FGGY: variants seen among roughly 807,000 people sequenced by gnomAD.
The protein encoded by FGGY is FGGY carbohydrate kinase domain-containing protein.
A neutral mutation model predicts 71.3 loss-of-function variants in FGGY; 72 were observed. That is an observed-to-expected ratio of 1.01 (90% CI 0.84 to 1.23). The LOEUF is 1.23. Among genes scored for constraint, FGGY ranks in the 50% most tolerant of loss-of-function variants. The pLI, the probability that FGGY is intolerant of heterozygous loss-of-function variation, is 0.00. For missense variants in FGGY, 668 were observed against 682.3 expected (o/e 0.98, Z 0.23); for synonymous variants, 251 against 250.3 (o/e 1.00, Z -0.02).
chr1:59,498,837 C>G (rs993122053), intron 6 of FGGY, among the ~76,000 whole-genome samples: 11 of 152,168 alleles, frequency 7.2e-5, no homozygotes, highest in African/African-American at 2.7e-4. Context: ...GGATTTTACT[C>G]CATCATTTTG....
At chr1:59,477,722 T>TCAGAGGCTA (rs924135125) in intron 6 of FGGY, among the ~76,000 whole-genome samples, 2 of 152,156 alleles carry the variant, frequency 1.3e-5, no homozygotes, top group African/African-American at 4.8e-5. Context: ...TGCCCTTACT[T>TCAGAGGCTA]CAGAGGCTAC....
intron 7 of FGGY, among the ~76,000 whole-genome samples, chr1:59,542,231 T>C (rs2095450865): frequency 1.3e-5 from 2 of 152,186 alleles, no homozygotes; most frequent in Admixed American, 1.3e-4. Flanking sequence ...CGTTGGCTCC[T>C]CAGGAGATTA....
At chr1:59,474,593 A>G (rs915571806) in intron 6 of FGGY, among the ~76,000 whole-genome samples, 1 of 152,248 alleles carries the variant, frequency 6.6e-6, no homozygotes, top group African/African-American at 2.4e-5. Context: ...GCTAACCACT[A>G]GAAGAATGTC....
intron 5 of FGGY, among the ~76,000 whole-genome samples, chr1:59,413,657 A>T (rs559432739): frequency 6.6e-6 from 1 of 152,208 alleles, no homozygotes; most frequent in Non-Finnish European, 1.5e-5. Flanking sequence ...ACATAAAAAA[A>T]AACCCAGACT....
At chr1:59,306,344 T>C (rs1313130519) in intron 1 of FGGY, among the ~76,000 whole-genome samples, 1 of 152,126 alleles carries the variant, frequency 6.6e-6, no homozygotes, top group Non-Finnish European at 1.5e-5. Flanking sequence ...GAAGGAAGTA[T>C]ATCAGAGGGA....
intron 4 of FGGY, among the ~76,000 whole-genome samples, chr1:59,364,520 A>C (rs747447483): frequency 6.6e-5 from 10 of 152,266 alleles, no homozygotes; most frequent in Middle Eastern, 3.4e-3. Context: ...TCATTCATTC[A>C]TTTATTCATT....
chr1:59,611,492 A>C lies in FGGY; in HGVS notation c.1011+3582A>C, dbSNP rs566702894. Among the ~76,000 whole-genome samples the C allele has an allele frequency of 7.9e-3, 1,199 of 152,232 alleles. 19 individuals carry two copies. The highest frequency in any genetic ancestry group is 0.028 in the African/African-American group (1,145 of 41,532). ...AGAAAGGACATCCACACCAAAACCC[A>C]ATCTGTACGTCACCATCATCAAAGA... On this transcript the variant is annotated intron_variant, in intron 9 of 15. Transcript: ENST00000303721.
chr1:59,524,218 C>T (rs942444991), intron 7 of FGGY, among the ~76,000 whole-genome samples: 3 of 152,226 alleles, frequency 2.0e-5, no homozygotes, highest in Non-Finnish European at 4.4e-5. Context: ...GGTGCTGACA[C>T]GCTAGCCTCC....
At chr1:59,643,637 T>C (rs2097059592) in intron 11 of FGGY, among the ~76,000 whole-genome samples, 1 of 152,100 alleles carries the variant, frequency 6.6e-6, no homozygotes, top group African/African-American at 2.4e-5. Context: ...AATCAAAGAA[T>C]TAAAACCTAC....
chr1:59,529,124 A>C (rs1371451781), intron 7 of FGGY, among the ~76,000 whole-genome samples: 1 of 152,214 alleles, frequency 6.6e-6, no homozygotes, highest in East Asian at 1.9e-4. Flanking sequence ...GCGTGAATGA[A>C]TGGGTTTGCT....
intron 14 of FGGY, among the ~76,000 whole-genome samples, chr1:59,757,323 C>T (rs548893463): frequency 1.3e-5 from 2 of 152,212 alleles, no homozygotes; most frequent in Admixed American, 6.5e-5. Context: ...TGTAACATGT[C>T]ATCTGCCTGA....
intron 4 of FGGY, among the ~76,000 whole-genome samples, chr1:59,370,450 G>C (rs539278706): frequency 2.0e-5 from 3 of 152,192 alleles, no homozygotes; most frequent in African/African-American, 7.2e-5. Context: ...TGAAAGTGAC[G>C]GGGAGAATGG....
intron 4 of FGGY, among the ~76,000 whole-genome samples, chr1:59,357,969 C>G (rs2054656760): frequency 6.6e-6 from 1 of 151,962 alleles, no homozygotes; most frequent in East Asian, 1.9e-4. Context: ...TGGTATGATT[C>G]TGTGTCGATC....
intron 5 of FGGY, among the ~76,000 whole-genome samples, chr1:59,411,859 A>G (rs1316024181): frequency 6.6e-6 from 1 of 152,154 alleles, no homozygotes; most frequent in Non-Finnish European, 1.5e-5. Context: ...TGGTGCCAGA[A>G]GATACCACTT....
At chr1:59,421,533 C>T (rs1249586547) in intron 5 of FGGY, among the ~76,000 whole-genome samples, 2 of 148,118 alleles carry the variant, frequency 1.4e-5, no homozygotes, top group Non-Finnish European at 3.0e-5. Context: ...CTCCTTCCCT[C>T]ACTCCCTTTT....
chr1:59,501,519 T>G (rs565383161), intron 6 of FGGY, among the ~76,000 whole-genome samples: 141 of 152,324 alleles, frequency 9.3e-4, no homozygotes, highest in Non-Finnish European at 1.6e-3. Context: ...TTCCCAAGTT[T>G]TCCTTTTCCT....
chr1:59,568,992 GA>G (rs540746042), intron 8 of FGGY, among the ~76,000 whole-genome samples: 16 of 150,498 alleles, frequency 1.1e-4, no homozygotes, highest in Non-Finnish European at 1.6e-4. Flanking sequence ...AAAATACTCA[GA>G]AAAAAAAAGG....
chr1:59,362,025 C>G (rs1054464764), intron 4 of FGGY, among the ~76,000 whole-genome samples: 2 of 152,182 alleles, frequency 1.3e-5, no homozygotes, highest in African/African-American at 4.8e-5. Flanking sequence ...GCGAACACGG[C>G]TGATTTCTGC....
intron 7 of FGGY, among the ~76,000 whole-genome samples, chr1:59,553,665 A>G (rs2095642928): frequency 6.6e-6 from 1 of 152,190 alleles, no homozygotes; most frequent in Non-Finnish European, 1.5e-5. Flanking sequence ...GTTAAACCAG[A>G]TTCCATTTGG....
Sources: gnomAD v4.1 joint callset for allele counts (sites outside exome capture counted in the v4.1 genomes callset) on GRCh38, gnomAD v4.1.1 for gene constraint, MANE v1.5 for transcripts, NCBI Gene and HGNC (gene_info 2026-07-23, HGNC 2026-07-21) for gene names.